The following FAM124B variants were observed in gnomAD, a reference collection of about 807,000 sequenced individuals.
FAM124B encodes the protein protein FAM124B.
Under a neutral mutation model 19.7 loss-of-function variants are expected in FAM124B, and 18 were observed. The ratio of observed to expected loss-of-function variants is 0.92; its 90% CI spans 0.63 to 1.36. FAM124B has a LOEUF of 1.36. Ranked by LOEUF, FAM124B falls within the 40% of genes most tolerant of loss-of-function variation. FAM124B has a pLI of 0.00. For missense variants in FAM124B, 540 were observed against 553.3 expected (o/e 0.98, Z 0.24); for synonymous variants, 223 against 225.2 (o/e 0.99, Z 0.09).
rs527479715 is a variant in FAM124B at position 224,401,426 on chromosome 2, C to A, written c.343G>T (p.Glu115Ter). The change falls in exon 1 of 2, where the codon GAG (glutamate) becomes TAG (stop). Residue 115 changes from glutamate to a stop codon, truncating the protein, a stop_gained. Coordinates refer to ENST00000409685, the MANE Select transcript of FAM124B (RefSeq NM_001122779.2). LOFTEE classifies it high-confidence loss of function. ...RLCPYFFANQ[E>*]FYSLDSQLPI... ...AGCTGACTGTCCAGGCTGTAGAACT[C>A]CTGATTGGCAAAAAAGTAGGGACAC... 1.3e-5 allele frequency: 21 copies of A among 1,614,008 alleles called. No homozygotes were observed. The Admixed American group carries it at 1.7e-4, about 13-fold the overall frequency.
intron 1 of FAM124B, 91 bp from the exon 2 acceptor site, chr2:224,380,299 C>A (rs1049555633): frequency 9.6e-6 from 11 of 1,149,456 alleles, no homozygotes; most frequent in Non-Finnish European, 1.3e-5. Flanking sequence ...CTCTGCCATG[C>A]CATGCCCATA....
intron 1 of FAM124B, among the ~76,000 whole-genome samples, chr2:224,386,010 A>C (rs191023786): frequency 6.6e-6 from 1 of 152,016 alleles, no homozygotes; most frequent in Non-Finnish European, 1.5e-5. Flanking sequence ...ATCACACCAC[A>C]CCATCGTCCT....
chr2:224,382,079 AAC>A (rs1320253788), intron 1 of FAM124B, among the ~76,000 whole-genome samples: 2 of 152,220 alleles, frequency 1.3e-5, no homozygotes, highest in East Asian at 1.9e-4. Context: ...TGCAAAAACA[AAC>A]ACACAAAAAA....
chr2:224,397,780 G>C (rs1689997342), intron 1 of FAM124B, among the ~76,000 whole-genome samples: 1 of 152,214 alleles, frequency 6.6e-6, no homozygotes, highest in Admixed American at 6.5e-5. Flanking sequence ...CTTTGAACTT[G>C]AGGGAGATGA....
chr2:224,396,761 T>C (rs978608015), intron 1 of FAM124B, among the ~76,000 whole-genome samples: 1 of 152,232 alleles, frequency 6.6e-6, no homozygotes, highest in Admixed American at 6.5e-5. Flanking sequence ...CTGATCCTAG[T>C]TGGTCTAACT....
In FAM124B at chr2:224,379,614, C is replaced by T. The variant is rs1689678852; in HGVS notation, c.1327G>A (p.Gly443Ser). ...TCTTCATCTTCTTCTTTTTCTTCAC[C>T]CTGAACTTGCAGATGAAGGAGACAT... ...SECLLHLQVQGEEKEEDEEEF... is the reference protein window; with the variant it reads ...SECLLHLQVQSEEKEEDEEEF... Residue 443 changes from glycine (G) to serine (S), a missense_variant, in exon 2 of 2, where the codon GGT (glycine) becomes AGT (serine). Gly to Ser is a moderately conservative substitution (Grantham distance 56). Coordinates refer to ENST00000409685, the MANE Select transcript of FAM124B (RefSeq NM_001122779.2). 2 of 1,549,432 alleles carry T rather than the reference C, an allele frequency of 1.3e-6. No homozygotes were observed. Among genetic ancestry groups the T allele is most frequent in the South Asian group, 1.2e-5 (1 of 83,670 alleles).
chr2:224,384,881 T>A (rs976876881), intron 1 of FAM124B, among the ~76,000 whole-genome samples: 1 of 152,106 alleles, frequency 6.6e-6, no homozygotes, highest in Admixed American at 6.5e-5. Flanking sequence ...TTTCCCACTT[T>A]CTTATCTTGG....
At chr2:224,391,349 A>AT (rs540286578) in intron 1 of FAM124B, among the ~76,000 whole-genome samples, 60 of 151,838 alleles carry the variant, frequency 4.0e-4, no homozygotes, top group African/African-American at 1.4e-3. Context: ...CTCAAAAAAA[A>AT]AAAAAAAAAA....
chr2:224,386,009 C>T (rs186102718), intron 1 of FAM124B, among the ~76,000 whole-genome samples: 59 of 152,344 alleles, frequency 3.9e-4, no homozygotes, highest in African/African-American at 1.4e-3. Context: ...GATCACACCA[C>T]ACCATCGTCC....
At chr2:224,383,087 G>T (rs1689750214) in intron 1 of FAM124B, among the ~76,000 whole-genome samples, 1 of 152,084 alleles carries the variant, frequency 6.6e-6, no homozygotes, top group Non-Finnish European at 1.5e-5. Flanking sequence ...AAACCCATAG[G>T]AGAAATTTCT....
At chr2:224,394,111 C>T (rs1441112064) in intron 1 of FAM124B, among the ~76,000 whole-genome samples, 1 of 152,182 alleles carries the variant, frequency 6.6e-6, no homozygotes, top group Non-Finnish European at 1.5e-5. Flanking sequence ...GTCCTCCTGG[C>T]TTTGTGGTTG....
Position 224,401,894 on chromosome 2 carries a change from T to A in FAM124B, c.-126A>T. The A allele has an allele frequency of 8.7e-7, 1 of 1,151,064 alleles. No individual in the cohort carries two copies. Among genetic ancestry groups the A allele is most frequent in the Non-Finnish European group, 1.2e-6 (1 of 822,088 alleles). 71.3% of individuals were successfully genotyped at this position (1,151,064 alleles called of 1,614,324 possible). On this transcript the variant is annotated 5_prime_UTR_variant, in exon 1 of 2. Coordinates refer to ENST00000409685, the MANE Select transcript of FAM124B (RefSeq NM_001122779.2). ...AAAACCTTCAGCTGCAGCGGCTACT[T>A]CTGAGCAGAGCTCTTAACCAGACTA...
At chr2:224,380,458 G>A (rs1441780996) in intron 1 of FAM124B, among the ~76,000 whole-genome samples, 1 of 152,092 alleles carries the variant, frequency 6.6e-6, no homozygotes, top group Non-Finnish European at 1.5e-5. Context: ...GGAATCAAAT[G>A]GCCAATTGAC....
At chr2:224,395,810 G>T (rs116147446) in intron 1 of FAM124B, among the ~76,000 whole-genome samples, 2,563 of 152,270 alleles carry the variant, frequency 0.017, 71 homozygotes, top group African/African-American at 0.058. Context: ...TGTGGAAAAC[G>T]CATTGCTCAC....
At chr2:224,389,038 T>C (rs1379552789) in intron 1 of FAM124B, among the ~76,000 whole-genome samples, 3 of 152,208 alleles carry the variant, frequency 2.0e-5, no homozygotes, top group Non-Finnish European at 4.4e-5. Context: ...GCTCAACCAA[T>C]TCTCTGCCTC....
chr2:224,398,232 G>C (rs1446593484), intron 1 of FAM124B, among the ~76,000 whole-genome samples: 1 of 152,050 alleles, frequency 6.6e-6, no homozygotes. Context: ...CGAGTAGCTG[G>C]GACTACGGGT....
Position 224,379,415 on chromosome 2 carries a change from T to C in FAM124B, c.*158A>G. On this transcript the variant is annotated 3_prime_UTR_variant, in exon 2 of 2. Coordinates refer to ENST00000409685, the MANE Select transcript of FAM124B (RefSeq NM_001122779.2). Reference sequence around the variant, plus strand: ...AATAAACAATCATTCCCAGCACCTTTAGACTTTGAACATTTGAAATAAAAT... The same window carrying C: ...AATAAACAATCATTCCCAGCACCTTCAGACTTTGAACATTTGAAATAAAAT... The C allele has an allele frequency of 1.9e-6, 2 of 1,067,134 alleles. No individual in the cohort carries two copies. The highest frequency in any genetic ancestry group is 2.6e-6 in the Non-Finnish European group (2 of 770,704). The allele number at this position is 1,067,134 out of a possible 1,614,324, so 66.1% of individuals were successfully genotyped here. A position where few individuals can be genotyped will look rare whatever the true frequency, so the allele number is the denominator to read the frequency against.
Position 224,379,726 on chromosome 2 carries a change from G to A in FAM124B, c.1215C>T (p.Ser405=). 1 of 1,551,644 alleles carries A rather than the reference G, an allele frequency of 6.4e-7. No individual in the cohort carries two copies. The highest frequency in any genetic ancestry group is 8.7e-7 in the Non-Finnish European group (1 of 1,146,984). Residue 405 remains serine, a synonymous_variant, in exon 2 of 2, where the codon TCC becomes TCT. Transcript: ENST00000409685. The part of the protein sequence containing the change: ...LPASSLGVAT[S]KNNSVLKERV... ...TTTCCTTAAGGACACTGTTGTTTTT[G>A]GAGGTAGCCACCCCCAAGGAAGAGG...
At chr2:224,382,085 C>CA (rs954999222) in intron 1 of FAM124B, among the ~76,000 whole-genome samples, 8 of 151,984 alleles carry the variant, frequency 5.3e-5, no homozygotes, top group African/African-American at 1.2e-4. Context: ...AACAAACACA[C>CA]AAAAAAACAA....
Sources: allele counts gnomAD v4.1 joint callset (sites outside exome capture counted in the v4.1 genomes callset), GRCh38; gene constraint gnomAD v4.1.1; transcripts MANE v1.5; gene names NCBI Gene and HGNC (gene_info 2026-07-23, HGNC 2026-07-21).